ABCB1: variants seen among roughly 807,000 people sequenced by gnomAD.
The protein encoded by ABCB1 is ATP binding cassette subfamily B member 1.
ABCB1 carries 69 observed loss-of-function variants against 142.0 expected under a neutral mutation model. The observed-to-expected ratio is 0.49, with a 90% confidence interval of 0.40 to 0.59. The LOEUF is 0.59. Ranked by LOEUF, ABCB1 falls within the 20% of genes least tolerant of loss-of-function variation. The probability of loss-of-function intolerance (pLI) is 0.00; values close to 1 mark genes in which losing one functional copy is unlikely to be tolerated. For missense variants in ABCB1, 1,326 were observed against 1,554.7 expected (o/e 0.85, Z 2.47); for synonymous variants, 532 against 539.2 (o/e 0.99, Z 0.18).
At chr7:87,520,999 A>AT in intron 21 of ABCB1, 123 bp from the exon 22 acceptor site, 1 of 760,472 alleles carries the variant, frequency 1.3e-6, no homozygotes, top group Non-Finnish European at 2.2e-6. Flanking sequence ...ATGTATGAGC[A>AT]TTTTCTCTGT....
intron 1 of ABCB1, among the ~76,000 whole-genome samples, chr7:87,658,763 T>C (rs748990970): frequency 2.6e-4 from 40 of 152,160 alleles, no homozygotes; most frequent in Non-Finnish European, 1.6e-4. Context: ...CACAGCAGAA[T>C]TATTCTTCAG....
intron 1 of ABCB1, among the ~76,000 whole-genome samples, chr7:87,620,712 T>A (rs917888120): frequency 6.6e-6 from 1 of 152,210 alleles, no homozygotes; most frequent in South Asian, 2.1e-4. Flanking sequence ...TAAACACTTT[T>A]ATAATCTAAG....
intron 1 of ABCB1, among the ~76,000 whole-genome samples, chr7:87,619,701 G>A (rs1037155669): frequency 2.0e-5 from 3 of 151,748 alleles, no homozygotes; most frequent in Non-Finnish European, 4.4e-5. Flanking sequence ...AGCAGAAATC[G>A]TACTGACTGT....
chr7:87,632,206 G>A (rs1821293188), intron 1 of ABCB1, among the ~76,000 whole-genome samples: 1 of 151,522 alleles, frequency 6.6e-6, no homozygotes. Context: ...CAATTTAGGT[G>A]TATTCTCAGT....
intron 1 of ABCB1, among the ~76,000 whole-genome samples, chr7:87,651,327 T>C (rs1447165306): frequency 6.6e-6 from 1 of 152,172 alleles, no homozygotes; most frequent in Non-Finnish European, 1.5e-5. Flanking sequence ...GTAAATGTTT[T>C]AGCAGGTAGT....
chr7:87,507,156 G>A (rs1584827610), intron 26 of ABCB1, among the ~76,000 whole-genome samples: 1 of 152,176 alleles, frequency 6.6e-6, no homozygotes, highest in Non-Finnish European at 1.5e-5. Context: ...GGACTTAGGG[G>A]TTTTACCTTT....
chr7:87,710,569 G>A (rs761779459), intron 1 of ABCB1: 1 of 1,541,444 alleles, frequency 6.5e-7, no homozygotes, highest in Non-Finnish European at 8.8e-7. Flanking sequence ...CTTCCTTTTA[G>A]GGTAGAGCCT....
At chr7:87,621,037 C>T (rs1416799563) in intron 1 of ABCB1, among the ~76,000 whole-genome samples, 1 of 152,076 alleles carries the variant, frequency 6.6e-6, no homozygotes, top group Admixed American at 6.5e-5. Flanking sequence ...AATAGACATA[C>T]TGTCATCTTA....
At chr7:87,710,457 T>C in intron 1 of ABCB1, 1 of 637,490 alleles carries the variant, frequency 1.6e-6, no homozygotes, top group South Asian at 2.0e-5. Flanking sequence ...TTAGTCGTTA[T>C]CAAATGTATA....
chr7:87,546,395 T>C (rs952560859), intron 14 of ABCB1, among the ~76,000 whole-genome samples: 2 of 152,030 alleles, frequency 1.3e-5, no homozygotes, highest in African/African-American at 2.4e-5. Flanking sequence ...AAGACCATCC[T>C]GGCTAACACA....
chr7:87,610,134 A>C (rs1478932325), intron 1 of ABCB1, among the ~76,000 whole-genome samples: 1 of 151,810 alleles, frequency 6.6e-6, no homozygotes, highest in African/African-American at 2.4e-5. Flanking sequence ...TATTGTCTCT[A>C]CTGTTTGAAT....
chr7:87,682,097 C>T (rs1826983065), intron 1 of ABCB1, among the ~76,000 whole-genome samples: 2 of 152,168 alleles, frequency 1.3e-5, no homozygotes, highest in Non-Finnish European at 1.5e-5. Flanking sequence ...TTCAAGAAAC[C>T]ACTTTCTTTG....
chr7:87,693,137 T>G (rs1328145616), intron 1 of ABCB1, among the ~76,000 whole-genome samples: 1 of 152,180 alleles, frequency 6.6e-6, no homozygotes, highest in African/African-American at 2.4e-5. Flanking sequence ...ATTTCAGAAA[T>G]TTGGCTTTGG....
chr7:87,566,568 T>A (rs1817790113), intron 6 of ABCB1, among the ~76,000 whole-genome samples: 1 of 152,220 alleles, frequency 6.6e-6, no homozygotes, highest in African/African-American at 2.4e-5. Context: ...CAAAGCCCAG[T>A]CCTTCATTTA....
At chr7:87,576,291 T>C (rs1818272614) in intron 4 of ABCB1, among the ~76,000 whole-genome samples, 1 of 151,788 alleles carries the variant, frequency 6.6e-6, no homozygotes, top group Admixed American at 6.6e-5. Flanking sequence ...AACTGTACTA[T>C]ATTTTGTTTA....
chr7:87,548,798 A>T (rs140694729), intron 14 of ABCB1, among the ~76,000 whole-genome samples: 260 of 152,362 alleles, frequency 1.7e-3, no homozygotes, highest in African/African-American at 6.1e-3. Context: ...ATTGCAGGAC[A>T]GTCAAACTCT....
intron 1 of ABCB1, chr7:87,709,510 A>G: frequency 2.0e-6 from 2 of 985,416 alleles, no homozygotes; most frequent in Non-Finnish European, 2.4e-6. Context: ...TGAGCTTGGT[A>G]GGTAAATTGA....
chr7:87,550,738 T>G lies in ABCB1; in HGVS notation c.1100A>C (p.Lys367Thr). Residue 367 changes from lysine (K) to threonine (T), a missense_variant, in exon 10 of 28, where the codon AAG becomes ACG. By Grantham distance (78) the Lys-to-Thr change is moderately conservative (BLOSUM62 -1). Coordinates refer to ENST00000622132, the MANE Select transcript of ABCB1 (RefSeq NM_001348946.2). The stretch of plus-strand genomic sequence containing the variant: ...ACTCAGACTTACATTATCAATTATC[T>G]TGAAGATTTCATAAGCTGCTCCTCT... Reference protein sequence around the residue: ...NARGAAYEIFKIIDNKPSIDS... With the variant: ...NARGAAYEIFTIIDNKPSIDS... 1 of 1,612,230 alleles carries G rather than the reference T, an allele frequency of 6.2e-7. No homozygotes were observed. The highest frequency in any genetic ancestry group is 2.2e-5 in the East Asian group (1 of 44,854).
At chr7:87,586,168 A>G (rs1818744018) in intron 3 of ABCB1, among the ~76,000 whole-genome samples, 1 of 152,208 alleles carries the variant, frequency 6.6e-6, no homozygotes, top group African/African-American at 2.4e-5. Context: ...TGATTTGAAG[A>G]TAATTAGGCC....
Sources: allele counts gnomAD v4.1 joint callset (sites outside exome capture counted in the v4.1 genomes callset), GRCh38; gene constraint gnomAD v4.1.1; transcripts MANE v1.5; gene names NCBI Gene and HGNC (gene_info 2026-07-23, HGNC 2026-07-21).